Variants in XKR9 observed in about 807,000 individuals in gnomAD.
XKR9 encodes XK related 9, also known as XK-related protein 9.
In XKR9, 32 loss-of-function variants were observed where a neutral mutation model predicts 32.0. The ratio of observed to expected loss-of-function variants is 1.00; its 90% CI spans 0.76 to 1.34. XKR9 has a LOEUF of 1.34. XKR9 is among the 40% of genes most tolerant of loss of function. The pLI is 0.00. For missense variants in XKR9, 546 were observed against 429.7 expected, an observed-to-expected ratio of 1.27 and a Z score of -2.39; for synonymous variants, 168 against 143.4, an observed-to-expected ratio of 1.17 and a Z score of -1.22.
At chr8:70,806,363 C>T in the XKR9 span, among the ~76,000 whole-genome samples, 1 of 152,146 alleles carries the variant, frequency 6.6e-6, no homozygotes, top group Non-Finnish European at 1.5e-5. Context: ...CTCTTCTTCT[C>T]CAAATGATTG....
At chr8:70,676,462 C>T (rs1401925080) in intron 2 of XKR9, among the ~76,000 whole-genome samples, 1 of 152,136 alleles carries the variant, frequency 6.6e-6, no homozygotes, top group African/African-American at 2.4e-5. Flanking sequence ...TAGTGATCAA[C>T]CATAGAGATA....
chr8:71,054,322 G>C, the XKR9 span, among the ~76,000 whole-genome samples: 1 of 152,152 alleles, frequency 6.6e-6, no homozygotes, highest in Admixed American at 6.5e-5. Context: ...TATTTTGTGG[G>C]AACTTCAGTG....
intron 2 of XKR9, among the ~76,000 whole-genome samples, chr8:70,754,737 C>T (rs1807192954): frequency 6.6e-6 from 1 of 151,136 alleles, no homozygotes; most frequent in Non-Finnish European, 1.5e-5. Flanking sequence ...TGGATCCCTT[C>T]CTTACACCTT....
the XKR9 span, among the ~76,000 whole-genome samples, chr8:70,915,720 GAAACTAAAATATTACACTCCA>G: frequency 1.3e-5 from 2 of 152,114 alleles, no homozygotes; most frequent in Non-Finnish European, 2.9e-5. Flanking sequence ...CCATTTAAAG[GAAACTAAAATATTACACTCCA>G]AAATATACTT....
chr8:70,979,609 C>G, the XKR9 span, among the ~76,000 whole-genome samples: 1 of 152,196 alleles, frequency 6.6e-6, no homozygotes, highest in Non-Finnish European at 1.5e-5. Context: ...AAATATTGTG[C>G]CTGATCCTTC....
chr8:70,724,803 C>T (rs1473384242), intron 4 of XKR9, among the ~76,000 whole-genome samples: 12 of 152,144 alleles, frequency 7.9e-5, no homozygotes, highest in East Asian at 3.9e-4. Context: ...AGCTGCAGAC[C>T]GGAGCTTTTC....
intron 2 of XKR9, among the ~76,000 whole-genome samples, chr8:70,765,927 T>A (rs1450479132): frequency 2.0e-5 from 3 of 152,136 alleles, no homozygotes; most frequent in African/African-American, 7.2e-5. Context: ...AGATGTGTGG[T>A]GTTATTTCTG....
chr8:70,810,876 A>T, the XKR9 span, among the ~76,000 whole-genome samples: 1 of 152,188 alleles, frequency 6.6e-6, no homozygotes, highest in African/African-American at 2.4e-5. Flanking sequence ...CATTAGACAG[A>T]TCAACGAGAC....
At chr8:71,056,910 A>G in the XKR9 span, among the ~76,000 whole-genome samples, 2 of 152,196 alleles carry the variant, frequency 1.3e-5, no homozygotes, top group Admixed American at 6.5e-5. Flanking sequence ...GACTTTAATA[A>G]GTTATTCCTT....
chr8:70,962,022 C>G, the XKR9 span, among the ~76,000 whole-genome samples: 1 of 152,094 alleles, frequency 6.6e-6, no homozygotes, highest in South Asian at 2.1e-4. Flanking sequence ...TTCTTTTGAT[C>G]TGTCATGTTA....
chr8:70,905,403 G>A, the XKR9 span, among the ~76,000 whole-genome samples: 1 of 151,980 alleles, frequency 6.6e-6, no homozygotes. Context: ...CCTTCCACTT[G>A]ATCAAATTGG....
intron 4 of XKR9, among the ~76,000 whole-genome samples, chr8:70,709,405 C>G (rs1805830951): frequency 6.6e-6 from 1 of 152,106 alleles, no homozygotes; most frequent in Admixed American, 6.5e-5. Flanking sequence ...ACAAGGATGC[C>G]CATTCTCACC....
rs974835439 is a variant in XKR9, at chr8:70,735,057, G to T, written c.*633G>T. ...AATTATATTAATCCTATTTGTGCTA[G>T]AATAGTTGTATCTAAATCATATTTT... is the stretch of plus-strand genomic sequence containing the variant. On this transcript the variant is annotated 3_prime_UTR_variant, in exon 5 of 5. Transcript: ENST00000408926. 1 of 152,008 alleles carries T rather than the reference G, an allele frequency of 6.6e-6. No homozygotes were observed. Among genetic ancestry groups the T allele is most frequent in the African/African-American group, 2.4e-5 (1 of 41,386 alleles). The allele number at this position is 152,008 out of a possible 1,614,324, so 9.4% of individuals were successfully genotyped here. A position where few individuals can be genotyped will look rare whatever the true frequency, so the allele number is the denominator to read the frequency against.
intron 3 of XKR9, among the ~76,000 whole-genome samples, chr8:70,696,003 T>C (rs538980137): frequency 6.6e-6 from 1 of 152,134 alleles, no homozygotes; most frequent in South Asian, 2.1e-4. Flanking sequence ...TCTGTTCATG[T>C]CCTTCGCCCA....
At chr8:71,047,009 C>G in the XKR9 span, among the ~76,000 whole-genome samples, 1 of 152,168 alleles carries the variant, frequency 6.6e-6, no homozygotes, top group Non-Finnish European at 1.5e-5. Flanking sequence ...GGATTTACCA[C>G]AAATATGAAG....
rs1483974128 is a variant in XKR9, at chr8:70,752,634, A to G, written n.353-36705A>G. ...GCTACAATGAGGACCATGCGTCCAC[A>G]TGAGTTTTGGTGGGGACAAACCATA... On this transcript the variant is annotated intron_variant and non_coding_transcript_variant, in intron 2 of 3. Coordinates refer to the XKR9 transcript ENST00000520273. Among the ~76,000 whole-genome samples the G allele has an allele frequency of 2.6e-5, 4 of 152,346 alleles. No individual in the cohort carries two copies. In the South Asian group the frequency reaches 6.2e-4, roughly 24 times the overall value.
At chr8:70,941,446 A>AT in the XKR9 span, among the ~76,000 whole-genome samples, 14 of 152,106 alleles carry the variant, frequency 9.2e-5, no homozygotes, top group Non-Finnish European at 2.1e-4. Context: ...CTATACTTAA[A>AT]ACAGTCATAT....
At chr8:70,786,099 T>C (rs1374593152) in intron 2 of XKR9, among the ~76,000 whole-genome samples, 2 of 152,118 alleles carry the variant, frequency 1.3e-5, no homozygotes, top group Non-Finnish European at 2.9e-5. Context: ...ATTTTCTTGG[T>C]ATTGATTTCT....
At chr8:70,930,498 T>C in the XKR9 span, among the ~76,000 whole-genome samples, 1 of 152,148 alleles carries the variant, frequency 6.6e-6, no homozygotes, top group African/African-American at 2.4e-5. Flanking sequence ...ACAGCAAAAT[T>C]TGTTTAAAAA....
Sources: gnomAD v4.1 joint callset for allele counts (sites outside exome capture counted in the v4.1 genomes callset) on GRCh38, gnomAD v4.1.1 for gene constraint, MANE v1.5 for transcripts, NCBI Gene and HGNC (gene_info 2026-07-23, HGNC 2026-07-21) for gene names.